ANKDD1B: variants seen among roughly 807,000 people sequenced by gnomAD.
The protein encoded by ANKDD1B is ankyrin repeat and death domain containing 1B, also known as ankyrin repeat and death domain-containing protein 1B.
Under a neutral mutation model 59.7 loss-of-function variants are expected in ANKDD1B, and 57 were observed. The observed-to-expected ratio is 0.95, with a 90% CI of 0.77 to 1.19. The LOEUF (loss-of-function observed/expected upper bound fraction) is 1.19. Among genes scored for constraint, ANKDD1B ranks in the 50% most tolerant of loss-of-function variants. The pLI is 0.00. For synonymous variants in ANKDD1B, 216 were observed against 239.5 expected, an observed-to-expected ratio of 0.90 and a Z score of 0.91; for missense variants, 602 against 641.9, an observed-to-expected ratio of 0.94 and a Z score of 0.67.
At chr5:75,619,284 A>ATTC (rs769824614) in intron 2 of ANKDD1B, among the ~76,000 whole-genome samples, 3 of 152,260 alleles carry the variant, frequency 2.0e-5, no homozygotes, top group Admixed American at 6.5e-5. Flanking sequence ...CTGCAAGGAC[A>ATTC]TCTGTGCAGC....
intron 2 of ANKDD1B, among the ~76,000 whole-genome samples, chr5:75,619,943 T>TA (rs1330600217): frequency 6.6e-6 from 1 of 152,234 alleles, no homozygotes; most frequent in East Asian, 1.9e-4. Context: ...GCATTATTAG[T>TA]ATATTCTAAG....
intron 9 of ANKDD1B, among the ~76,000 whole-genome samples, chr5:75,658,742 C>T (rs572026143): frequency 2.6e-5 from 4 of 152,140 alleles, no homozygotes; most frequent in Admixed American, 1.3e-4. Flanking sequence ...ATATCAAAAG[C>T]GTCTTTTATT....
At chr5:75,634,816 T>G in intron 5 of ANKDD1B, 82 bp from the exon 6 acceptor site, 1 of 892,524 alleles carries the variant, frequency 1.1e-6, no homozygotes, top group Non-Finnish European at 1.7e-6. Context: ...CCATCATCCT[T>G]GAAATGTCGC....
chr5:75,612,036 G>A (rs1275862399), intron 1 of ANKDD1B, among the ~76,000 whole-genome samples: 1 of 152,178 alleles, frequency 6.6e-6, no homozygotes, highest in Admixed American at 6.5e-5. Context: ...ACCATGTACT[G>A]TGGGTGGAAG....
chr5:75,651,945 C>G (rs928508343), intron 7 of ANKDD1B, among the ~76,000 whole-genome samples: 1 of 152,180 alleles, frequency 6.6e-6, no homozygotes, highest in Non-Finnish European at 1.5e-5. Flanking sequence ...AGAAAGAGAA[C>G]TAGCCAGCTC....
At chr5:75,638,421 G>A (rs1345836103) in intron 7 of ANKDD1B, among the ~76,000 whole-genome samples, 1 of 152,112 alleles carries the variant, frequency 6.6e-6, no homozygotes, top group Non-Finnish European at 1.5e-5. Flanking sequence ...GATACAAGCT[G>A]TTGCCAGATC....
chr5:75,666,152 G>A (rs1326379674), intron 11 of ANKDD1B, among the ~76,000 whole-genome samples: 18 of 152,172 alleles, frequency 1.2e-4, no homozygotes, highest in Non-Finnish European at 1.5e-5. Flanking sequence ...AGGGACAAAA[G>A]GAACCTTTCA....
At chr5:75,641,949 G>T (rs1003097056) in intron 7 of ANKDD1B, among the ~76,000 whole-genome samples, 7 of 152,198 alleles carry the variant, frequency 4.6e-5, no homozygotes, top group African/African-American at 1.7e-4. Flanking sequence ...GGAATGAAAG[G>T]TAGGAGAAGG....
At chr5:75,662,953 A>C (rs1775198384) in intron 10 of ANKDD1B, among the ~76,000 whole-genome samples, 2 of 152,132 alleles carry the variant, frequency 1.3e-5, no homozygotes, top group Non-Finnish European at 2.9e-5. Context: ...AGTGCTCCTC[A>C]AAACATGGCT....
At chr5:75,635,363 A>G in intron 6 of ANKDD1B, 1 of 147,194 alleles carries the variant, frequency 6.8e-6, no homozygotes, top group Non-Finnish European at 1.5e-5. Flanking sequence ...TACACCTTTG[A>G]TGACTTTCTT....
chr5:75,626,709 C>T (rs941268301), intron 5 of ANKDD1B, among the ~76,000 whole-genome samples: 3 of 152,186 alleles, frequency 2.0e-5, no homozygotes, highest in African/African-American at 7.2e-5. Context: ...TGCTGTCTCC[C>T]TTCTCAGACT....
In ANKDD1B at chr5:75,671,047, A is replaced by G. The variant is rs1775467131; in HGVS notation, c.*7A>G. ...GAAATGTGTAGTTTCATAAATGCCTAAAGAAATTGTATTTACATGATTTTC... is the reference window on the plus strand; with the variant it reads ...GAAATGTGTAGTTTCATAAATGCCTGAAGAAATTGTATTTACATGATTTTC... On this transcript the variant is annotated 3_prime_UTR_variant, in exon 14 of 14. Coordinates refer to ENST00000601380, the MANE Select transcript of ANKDD1B (RefSeq NM_001276713.2). 1.6e-6 allele frequency: 2 copies of G among 1,213,350 alleles called. No homozygotes were observed. The highest frequency in any genetic ancestry group is 6.3e-5 in the East Asian group (2 of 31,524). The allele number at this position is 1,213,350 out of a possible 1,614,324, so 75.2% of individuals were successfully genotyped here. A position where few individuals can be genotyped will look rare whatever the true frequency, so the allele number is the denominator to read the frequency against.
chr5:75,656,885 C>T (rs995489746), intron 9 of ANKDD1B, among the ~76,000 whole-genome samples: 2 of 152,198 alleles, frequency 1.3e-5, no homozygotes, highest in African/African-American at 2.4e-5. Flanking sequence ...GCCTGCCTGT[C>T]CTAATACACT....
intron 5 of ANKDD1B, among the ~76,000 whole-genome samples, chr5:75,630,601 A>G (rs1054232944): frequency 6.6e-6 from 1 of 152,266 alleles, no homozygotes; most frequent in Non-Finnish European, 1.5e-5. Flanking sequence ...CCACGGGTAA[A>G]AGAAAAGTGC....
chr5:75,622,099 A>C (rs929079221), intron 3 of ANKDD1B, among the ~76,000 whole-genome samples: 17 of 152,158 alleles, frequency 1.1e-4, no homozygotes, highest in Non-Finnish European at 1.8e-4. Flanking sequence ...CTTGAGTTTG[A>C]CTTCTTCTAA....
chr5:75,666,245 C>T (rs1486080620), intron 11 of ANKDD1B, among the ~76,000 whole-genome samples: 1 of 152,146 alleles, frequency 6.6e-6, no homozygotes, highest in Non-Finnish European at 1.5e-5. Flanking sequence ...ATGTCCACTC[C>T]TGTCCTCTCC....
chr5:75,633,179 T>G (rs923949570), intron 5 of ANKDD1B, among the ~76,000 whole-genome samples: 1 of 152,184 alleles, frequency 6.6e-6, no homozygotes, highest in Non-Finnish European at 1.5e-5. Context: ...TTCCAAGCAG[T>G]CTCTGTTTCT....
At chr5:75,624,569 A>C (rs1403803788) in intron 3 of ANKDD1B, among the ~76,000 whole-genome samples, 1 of 152,224 alleles carries the variant, frequency 6.6e-6, no homozygotes, top group African/African-American at 2.4e-5. Flanking sequence ...ACACAGACAA[A>C]TCTAAATAAT....
At chr5:75,623,868 T>C (rs1165343968) in intron 3 of ANKDD1B, among the ~76,000 whole-genome samples, 1 of 152,332 alleles carries the variant, frequency 6.6e-6, no homozygotes, top group South Asian at 2.1e-4. Flanking sequence ...TTTAGAGTTA[T>C]GCCTCAATAA....
Sources: allele counts gnomAD v4.1 joint callset (sites outside exome capture counted in the v4.1 genomes callset), GRCh38; gene constraint gnomAD v4.1.1; transcripts MANE v1.5; gene names NCBI Gene and HGNC (gene_info 2026-07-23, HGNC 2026-07-21).